B4GALT6: variants seen among roughly 807,000 people sequenced by gnomAD.
The protein encoded by B4GALT6 is beta-1,4-galactosyltransferase 6.
In B4GALT6, 14 loss-of-function variants were observed where a neutral mutation model predicts 46.3. The ratio of observed to expected loss-of-function variants is 0.30; its 90% confidence interval spans 0.20 to 0.47. The LOEUF (loss-of-function observed/expected upper bound fraction) is 0.47. Ranked by LOEUF, B4GALT6 falls within the 20% of genes least tolerant of loss-of-function variation. The probability of loss-of-function intolerance (pLI) is 0.99; values close to 1 mark genes in which losing one functional copy is unlikely to be tolerated. For missense variants in B4GALT6, 386 were observed against 480.1 expected, an observed-to-expected ratio of 0.80 and a Z score of 1.83; for synonymous variants, 168 against 162.0, an observed-to-expected ratio of 1.04 and a Z score of -0.28.
At chr18:31,699,286 T>A in the B4GALT6 span, among the ~76,000 whole-genome samples, 3 of 151,350 alleles carry the variant, frequency 2.0e-5, no homozygotes, top group Non-Finnish European at 4.4e-5. Context: ...TTTTTTTTTT[T>A]TTTTGAGACA....
At chr18:31,714,097 G>A in the B4GALT6 span, among the ~76,000 whole-genome samples, 114 of 152,304 alleles carry the variant, frequency 7.5e-4, no homozygotes, top group African/African-American at 2.6e-3. Context: ...CAATATGGTA[G>A]CCATAGGCCA....
intron 6 of B4GALT6, 49 bp downstream of exon 6, chr18:31,630,910 G>A (rs759124163): frequency 6.3e-7 from 1 of 1,577,588 alleles, no homozygotes; most frequent in African/African-American, 1.4e-5. Context: ...TCAATGCTAT[G>A]ACTGTGCAAT....
At chr18:31,627,843 T>G (rs189114812) in intron 6 of B4GALT6, among the ~76,000 whole-genome samples, 332 of 152,336 alleles carry the variant, frequency 2.2e-3, no homozygotes, top group Non-Finnish European at 3.7e-3. Flanking sequence ...AGATTGGCTT[T>G]CTGACATTTA....
intron 1 of B4GALT6, among the ~76,000 whole-genome samples, chr18:31,682,884 T>G (rs1481082083): frequency 6.6e-6 from 1 of 152,170 alleles, no homozygotes; most frequent in Admixed American, 6.5e-5. Context: ...TAAAGAAAGC[T>G]CTTGTTGAGT....
In B4GALT6 at chr18:31,623,348, T is replaced by C. The variant is rs2073642716; in HGVS notation, c.*2266A>G. ...CAAACAAAAAGCAAACGAGGTGGTT[T>C]TCACAGGATGACAAACTATATTTCA... On this transcript the variant is annotated 3_prime_UTR_variant, in exon 9 of 9. Transcript: ENST00000306851. 3 of 152,410 alleles carry C rather than the reference T, an allele frequency of 2.0e-5. No individual in the cohort carries two copies. In the South Asian group the frequency reaches 6.2e-4, roughly 32 times the overall value. 9.4% of individuals were successfully genotyped at this position (152,410 alleles called of 1,614,324 possible). A position where few individuals can be genotyped will look rare whatever the true frequency, so the allele number is the denominator to read the frequency against.
intron 4 of B4GALT6, among the ~76,000 whole-genome samples, chr18:31,641,950 C>T (rs2073935430): frequency 6.6e-6 from 1 of 152,184 alleles, no homozygotes; most frequent in Non-Finnish European, 1.5e-5. Flanking sequence ...AATGACATGG[C>T]TTTAGGCTTG....
At chr18:31,705,493 A>G in the B4GALT6 span, among the ~76,000 whole-genome samples, 4 of 152,124 alleles carry the variant, frequency 2.6e-5, no homozygotes, top group Non-Finnish European at 5.9e-5. Context: ...GGTCCAAGCG[A>G]TTCTCCTGTC....
chr18:31,684,240 A>G (rs1405468973), intron 1 of B4GALT6, 72 bp downstream of exon 1: 1 of 1,598,658 alleles, frequency 6.3e-7, no homozygotes, highest in Non-Finnish European at 8.5e-7. Context: ...AAATCCCAGA[A>G]GTAACATCGG....
intron 4 of B4GALT6, among the ~76,000 whole-genome samples, chr18:31,641,755 C>G (rs1459408752): frequency 1.3e-5 from 2 of 152,224 alleles, no homozygotes; most frequent in Admixed American, 1.3e-4. Context: ...TTATTCCATT[C>G]AGTTTGCTCC....
At chr18:31,674,151 A>C (rs954800875) in intron 1 of B4GALT6, among the ~76,000 whole-genome samples, 1 of 152,220 alleles carries the variant, frequency 6.6e-6, no homozygotes, top group African/African-American at 2.4e-5. Context: ...TGGCAGCCTT[A>C]GGAAAATAAC....
chr18:31,668,736 C>T (rs1416056576), intron 1 of B4GALT6, among the ~76,000 whole-genome samples: 3 of 151,804 alleles, frequency 2.0e-5, no homozygotes, highest in African/African-American at 7.3e-5. Flanking sequence ...CGTGGTGGCT[C>T]ATGCCTGTAA....
intron 5 of B4GALT6, among the ~76,000 whole-genome samples, chr18:31,633,945 C>T (rs753341443): frequency 1.3e-5 from 2 of 152,204 alleles, no homozygotes; most frequent in Non-Finnish European, 2.9e-5. Context: ...ACTGCCACAT[C>T]CCTTTTGTTG....
chr18:31,724,176 C>A, the B4GALT6 span: 1 of 247,062 alleles, frequency 4.0e-6, no homozygotes, highest in Non-Finnish European at 8.2e-6. Context: ...TAATAAAGGA[C>A]GGGATGGGGC....
chr18:31,722,841 C>G, the B4GALT6 span, among the ~76,000 whole-genome samples: 2 of 152,170 alleles, frequency 1.3e-5, no homozygotes, highest in African/African-American at 2.4e-5. Context: ...GGTCTTCAAT[C>G]ACTAATGAAA....
chr18:31,703,910 G>T, the B4GALT6 span, among the ~76,000 whole-genome samples: 1 of 152,268 alleles, frequency 6.6e-6, no homozygotes, highest in South Asian at 2.1e-4. Flanking sequence ...ATATTATTCG[G>T]AAAGTTAATA....
chr18:31,640,821 G>T (rs1489007420), intron 4 of B4GALT6, among the ~76,000 whole-genome samples: 1 of 152,232 alleles, frequency 6.6e-6, no homozygotes, highest in African/African-American at 2.4e-5. Context: ...AGCGCCAATG[G>T]CTGGCATATT....
chr18:31,695,546 G>A, the B4GALT6 span, among the ~76,000 whole-genome samples: 1 of 152,004 alleles, frequency 6.6e-6, no homozygotes, highest in South Asian at 2.1e-4. Flanking sequence ...ATGCGGGAAG[G>A]GAAGAAGTTT....
the B4GALT6 span, among the ~76,000 whole-genome samples, chr18:31,714,989 T>A: frequency 1.3e-5 from 2 of 152,238 alleles, no homozygotes; most frequent in African/African-American, 4.8e-5. Context: ...GAGTTTCAGA[T>A]AAACAATGAA....
At chr18:31,670,351 G>C (rs1466942335) in intron 1 of B4GALT6, among the ~76,000 whole-genome samples, 2 of 152,082 alleles carry the variant, frequency 1.3e-5, no homozygotes, top group Admixed American at 1.3e-4. Flanking sequence ...CACCGCACCA[G>C]GCCTTTAAAA....
Sources: allele counts gnomAD v4.1 joint callset (sites outside exome capture counted in the v4.1 genomes callset), GRCh38; gene constraint gnomAD v4.1.1; transcripts MANE v1.5; gene names NCBI Gene and HGNC (gene_info 2026-07-23, HGNC 2026-07-21).